UNC119: variants seen among roughly 807,000 people sequenced by gnomAD.
UNC119 encodes the protein protein unc-119 homolog A.
A neutral mutation model predicts 22.6 loss-of-function variants in UNC119; 15 were observed. The ratio of observed to expected loss-of-function variants is 0.66; its 90% confidence interval spans 0.44 to 1.02. The LOEUF (loss-of-function observed/expected upper bound fraction) is 1.02. Ranked by LOEUF, UNC119 falls within the 50% of genes least tolerant of loss-of-function variation. The pLI is 0.00. For missense variants in UNC119, 322 were observed against 336.0 expected (o/e 0.96, Z 0.33); for synonymous variants, 138 against 139.4 (o/e 0.99, Z 0.07).
intron 1 of UNC119, chr17:28,551,856 T>A (rs1171400620): frequency 8.3e-6 from 2 of 241,024 alleles, no homozygotes; most frequent in African/African-American, 4.7e-5. Flanking sequence ...CAAGTCTTCC[T>A]GGAGGATCAG....
In UNC119 at chr17:28,547,150, G is replaced by A; in HGVS notation, c.*147C>T. On this transcript the variant is annotated 3_prime_UTR_variant, in exon 5 of 5. Transcript: ENST00000335765. Reference sequence around the variant, plus strand: ...TTCATGGGCTTGACTGGGGACACCAGGTACCCTTCCTCCCAACATTGACTC... The same window carrying A: ...TTCATGGGCTTGACTGGGGACACCAAGTACCCTTCCTCCCAACATTGACTC... 1.0e-6 allele frequency: 1 copy of A among 986,526 alleles called. No homozygotes were observed. Among genetic ancestry groups the A allele is most frequent in the Non-Finnish European group, 1.5e-6 (1 of 649,636 alleles). The allele number at this position is 986,526 out of a possible 1,614,324, so 61.1% of individuals were successfully genotyped here. A position where few individuals can be genotyped will look rare whatever the true frequency, so the allele number is the denominator to read the frequency against.
intron 1 of UNC119, chr17:28,552,057 G>C: frequency 1.6e-6 from 1 of 637,468 alleles, no homozygotes; most frequent in South Asian, 1.5e-5. Context: ...AGCTGCTGCC[G>C]CACGTACCTC....
intron 4 of UNC119, 116 bp from the exon 5 acceptor site, chr17:28,547,525 C>G: frequency 1.1e-5 from 18 of 1,585,082 alleles, no homozygotes; most frequent in Non-Finnish European, 1.4e-5. Flanking sequence ...TCCCCAGCCT[C>G]TTTCTCTACG....
chr17:28,550,414 C>CT (rs2151508832), intron 1 of UNC119: 1 of 152,326 alleles, frequency 6.6e-6, no homozygotes, highest in African/African-American at 2.4e-5. Flanking sequence ...CAAACTCAAT[C>CT]TATCAACCTC....
intron 1 of UNC119, 192 bp downstream of exon 1, chr17:28,552,146 G>T (rs1414600974): frequency 1.1e-5 from 8 of 710,106 alleles, no homozygotes; most frequent in Non-Finnish European, 2.1e-5. Flanking sequence ...CACAGAGAGA[G>T]ATCAAGGGAA....
At position 28,548,072 on chromosome 17, in the gene UNC119, C is replaced by T. The variant is rs766635958; in HGVS notation, c.364G>A (p.Asp122Asn). 6.2e-7 allele frequency: 1 copy of T among 1,613,750 alleles called. No individual in the cohort carries two copies. Among genetic ancestry groups the T allele is most frequent in the Admixed American group, 1.7e-5 (1 of 60,024 alleles). ...CGGACAAAGCGCCCAGCATTGGGGT[C>T]CAGGTCCCGCCGGTTGATGGGCAAC... ...ERLPINRRDLDPNAGRFVRYQ... is the reference protein window; with the variant it reads ...ERLPINRRDLNPNAGRFVRYQ... The change falls in exon 3 of 5, where the codon GAC becomes AAC. Residue 122 changes from aspartate to asparagine, a missense_variant. Physicochemically the swap from Asp to Asn is conservative, Grantham distance 23. Transcript: ENST00000335765.
chr17:28,548,704 G>T lies in UNC119; in HGVS notation c.222C>A (p.Asp74Glu). The change falls in exon 2 of 5, where the codon GAC (aspartate) becomes GAA (glutamate). Residue 74 changes from aspartate to glutamate, a missense_variant and splice_region_variant. By Grantham distance (45) the Asp-to-Glu change is conservative (BLOSUM62 2). Transcript: ENST00000335765. ...DVLGLQRITG[D>E]YLCSPEENIY... ...TATTCTCCTCAGGGGAGCAGAGGTA[G>T]TCTAGGGGAAACAGGCAGCTGAGCA... 6.2e-7 allele frequency: 1 copy of T among 1,613,480 alleles called. No individual in the cohort carries two copies. The highest frequency in any genetic ancestry group is 8.5e-7 in the Non-Finnish European group (1 of 1,179,488).
Position 28,547,834 on chromosome 17 carries a change from C to A in UNC119, c.453G>T (p.Val151=). The change falls in exon 4 of 5, where the codon GTG becomes GTT. Residue 151 remains valine (V), a synonymous_variant. Transcript: ENST00000335765. The part of the protein sequence containing the change: ...RQVGATVEFT[V]GDKPVNNFRM... ...GGAAGTTGTTGACAGGCTTGTCTCC[C>A]ACTGTGAACTCCACCCTGAGCAAGA... 1 of 1,614,162 alleles carries A rather than the reference C, an allele frequency of 6.2e-7. No individual in the cohort carries two copies. Among genetic ancestry groups the A allele is most frequent in the South Asian group, 1.1e-5 (1 of 91,078 alleles).
Position 28,547,829 on chromosome 17 carries a change from T to C in UNC119, c.458A>G (p.Asp153Gly). The change falls in exon 4 of 5, where the codon GAC becomes GGC. Residue 153 changes from aspartate to glycine, a missense_variant. Transcript: ENST00000335765. ...CATGCGGAAGTTGTTGACAGGCTTGTCTCCCACTGTGAACTCCACCCTGAG... is the reference window on the plus strand; with the variant it reads ...CATGCGGAAGTTGTTGACAGGCTTGCCTCCCACTGTGAACTCCACCCTGAG... ...VGATVEFTVG[D>G]KPVNNFRMIE... 6.2e-7 allele frequency: 1 copy of C among 1,614,054 alleles called. No homozygotes were observed. Among genetic ancestry groups the C allele is most frequent in the Admixed American group, 1.7e-5 (1 of 60,008 alleles).
chr17:28,547,629 C>T, intron 4 of UNC119, 48 bp downstream of exon 4: 1 of 1,614,058 alleles, frequency 6.2e-7, no homozygotes, highest in South Asian at 1.1e-5. Flanking sequence ...GCAGCTCAGT[C>T]TCTAGACGCC....
chr17:28,547,942 G>A (rs752489401), intron 3 of UNC119, 57 bp downstream of exon 3: 53 of 1,612,434 alleles, frequency 3.3e-5, no homozygotes, highest in Non-Finnish European at 4.2e-5. Flanking sequence ...AGGCTGAGAA[G>A]GGCCCACTCA....
rs1163433821 is a variant in UNC119 at position 28,547,659 on chromosome 17, A to C, written c.610+18T>G. ...GACGCCCCCACTTCCCCACTCCCAG[A>C]AGACCCTGCCCGCGCACTCAGCTCC... On this transcript the variant is annotated intron_variant, in intron 4 of 4. Transcript: ENST00000335765. 2 of 1,614,066 alleles carry C rather than the reference A, an allele frequency of 1.2e-6. No individual in the cohort carries two copies. Among genetic ancestry groups the C allele is most frequent in the Non-Finnish European group, 1.7e-6 (2 of 1,180,034 alleles).
At position 28,548,083 on chromosome 17, in the gene UNC119, C is replaced by T. The variant is rs368608427; in HGVS notation, c.353G>A (p.Arg118Gln). ...CCCAGCATTGGGGTCCAGGTCCCGC[C>T]GGTTGATGGGCAACCGTTCTGCAAT... ...PPVSERLPIN[R>Q]RDLDPNAGRF... The change falls in exon 3 of 5, where the codon CGG becomes CAG. Residue 118 changes from arginine to glutamine, a missense_variant. Transcript: ENST00000335765. The T allele has an allele frequency of 8.3e-5, 134 of 1,613,470 alleles. No homozygotes were observed. The highest frequency in any genetic ancestry group is 1.1e-4 in the Non-Finnish European group (126 of 1,179,958).
chr17:28,548,683 CT>C lies in UNC119; in HGVS notation c.242del (p.Glu81GlyfsTer60), dbSNP rs1207082173. ...TGACAAAGTCGATCTTGTAGATATTCTCCTCAGGGGAGCAGAGGTAGTCTAG... is the reference window on the plus strand; with the variant it reads ...TGACAAAGTCGATCTTGTAGATATTCCCTCAGGGGAGCAGAGGTAGTCTAG... Reference protein sequence around the residue: ...ITGDYLCSPEENIYKIDFVRF... With the variant: ...ITGDYLCSPEXNIYKIDFVRF... On this transcript the variant is annotated frameshift_variant, in exon 2 of 5. Coordinates refer to ENST00000335765, the MANE Select transcript of UNC119 (RefSeq NM_005148.4). LOFTEE classifies it high-confidence loss of function. 1.2e-6 allele frequency: 2 copies of C among 1,614,026 alleles called. No homozygotes were observed. The highest frequency in any genetic ancestry group is 1.7e-6 in the Non-Finnish European group (2 of 1,179,998).
At position 28,547,276 on chromosome 17, in the gene UNC119, G is replaced by A; in HGVS notation, c.*21C>T. The A allele has an allele frequency of 6.2e-7, 1 of 1,613,688 alleles. No homozygotes were observed. The highest frequency in any genetic ancestry group is 8.5e-7 in the Non-Finnish European group (1 of 1,179,772). On this transcript the variant is annotated 3_prime_UTR_variant, in exon 5 of 5. Coordinates refer to ENST00000335765, the MANE Select transcript of UNC119 (RefSeq NM_005148.4). ...TCCCAGCCCAGAACTGGAGCCTCCT[G>A]GGGTCAGGGCAGCCGTGGGGTCAGG...
In UNC119 at chr17:28,552,585, T is replaced by A. The variant is rs1363629834; in HGVS notation, c.-28A>T. The A allele has an allele frequency of 2.0e-6, 3 of 1,483,684 alleles. No homozygotes were observed. Among genetic ancestry groups the A allele is most frequent in the Non-Finnish European group, 2.7e-6 (3 of 1,124,006 alleles). The allele number at this position is 1,483,684 out of a possible 1,614,324, so 91.9% of individuals were successfully genotyped here. On this transcript the variant is annotated 5_prime_UTR_variant, in exon 1 of 5. Transcript: ENST00000335765. ...CCTTGCGGGGCCGAGGCTCGCCTGC[T>A]GCTGCCGCCGCTGCCTGCGCCGGCT...
At chr17:28,552,307 C>T in intron 1 of UNC119, 31 bp downstream of exon 1, 1 of 1,528,758 alleles carries the variant, frequency 6.5e-7, no homozygotes, top group Non-Finnish European at 8.8e-7. Context: ...CCCTTCCCAC[C>T]CGCGGGCGGC....
At chr17:28,548,218 G>C in intron 2 of UNC119, 117 bp from the exon 3 acceptor site, 2 of 1,073,136 alleles carry the variant, frequency 1.9e-6, no homozygotes, top group Non-Finnish European at 2.7e-6. Context: ...AGAAATTCCG[G>C]GGCACACTGA....
chr17:28,547,423 C>T lies in UNC119; in HGVS notation c.611-14G>A. On this transcript the variant is annotated splice_polypyrimidine_tract_variant and intron_variant, in intron 4 of 4. Coordinates refer to ENST00000335765, the MANE Select transcript of UNC119 (RefSeq NM_005148.4). The stretch of plus-strand genomic sequence containing the variant: ...TCATCTCGCTGACTGCAAGAGAGGC[C>T]CAGCCAGGCCGGGCAAAGGTCAGGA... The T allele has an allele frequency of 6.2e-7, 1 of 1,613,940 alleles. No homozygotes were observed. The highest frequency in any genetic ancestry group is 8.5e-7 in the Non-Finnish European group (1 of 1,179,910).
Sources: gnomAD v4.1 joint callset for allele counts on GRCh38, gnomAD v4.1.1 for gene constraint, MANE v1.5 for transcripts, NCBI Gene and HGNC (gene_info 2026-07-23, HGNC 2026-07-21) for gene names.